SYNE3: variants seen among roughly 807,000 people sequenced by gnomAD.
SYNE3 encodes spectrin repeat containing nuclear envelope family member 3.
In SYNE3, 100 loss-of-function variants were observed where a neutral mutation model predicts 111.2. The observed-to-expected ratio is 0.90, with a 90% CI of 0.77 to 1.06. SYNE3 has a LOEUF of 1.06. Among genes scored for constraint, SYNE3 ranks in the 50% least tolerant of loss-of-function variants. SYNE3 has a pLI of 0.00. For missense variants in SYNE3, 1,160 were observed against 1,240.3 expected (o/e 0.94, Z 0.97); for synonymous variants, 547 against 533.9 (o/e 1.02, Z -0.34).
chr14:95,513,760 T>TATATATATATAC (rs1890808359), intron 1 of SYNE3, among the ~76,000 whole-genome samples: 1 of 142,424 alleles, frequency 7.0e-6, no homozygotes, highest in Non-Finnish European at 1.5e-5. Context: ...TATATATATA[T>TATATATATATAC]ATATATATAT....
At position 95,416,026 on chromosome 14, in the gene SYNE3, A is replaced by G. The variant is rs1595165547; in HGVS notation, c.*1800T>C. ...AATTATAATAACAATAATAATAATAACTCAGAGCCAGGCTTGTGGATGGAA... is the reference window on the plus strand; with the variant it reads ...AATTATAATAACAATAATAATAATAGCTCAGAGCCAGGCTTGTGGATGGAA... On this transcript the variant is annotated 3_prime_UTR_variant, in exon 18 of 18. Transcript: ENST00000682763. 6.6e-6 allele frequency: 1 copy of G among 152,304 alleles called. No individual in the cohort carries two copies. The highest frequency in any genetic ancestry group is 1.9e-4 in the East Asian group (1 of 5,182). The allele number at this position is 152,304 out of a possible 1,614,324, so 9.4% of individuals were successfully genotyped here.
At chr14:95,458,539 CG>C (rs1887601563) in intron 4 of SYNE3, among the ~76,000 whole-genome samples, 1 of 152,146 alleles carries the variant, frequency 6.6e-6, no homozygotes, top group South Asian at 2.1e-4. Flanking sequence ...ACACCTCCAG[CG>C]GGTAACCAAC....
intron 11 of SYNE3, among the ~76,000 whole-genome samples, chr14:95,441,669 A>G (rs1282787405): frequency 1.3e-5 from 2 of 152,190 alleles, no homozygotes; most frequent in Admixed American, 6.5e-5. Flanking sequence ...ACGGGTTTCT[A>G]TGGGCTCCTG....
At chr14:95,471,898 G>T (rs190502911) in intron 2 of SYNE3, among the ~76,000 whole-genome samples, 1 of 152,204 alleles carries the variant, frequency 6.6e-6, no homozygotes, top group African/African-American at 2.4e-5. Context: ...GGAGGAATGG[G>T]GTTAATCAGG....
At chr14:95,460,241 G>A (rs111673108) in intron 4 of SYNE3, among the ~76,000 whole-genome samples, 1 of 151,930 alleles carries the variant, frequency 6.6e-6, no homozygotes, top group Non-Finnish European at 1.5e-5. Context: ...GTCTCACTCT[G>A]TTGCCTAGAC....
chr14:95,479,059 T>C (rs986488789), intron 1 of SYNE3, among the ~76,000 whole-genome samples: 51 of 152,146 alleles, frequency 3.4e-4, no homozygotes, highest in African/African-American at 1.2e-3. Flanking sequence ...TGGGTGTCCA[T>C]ATTCTCATCT....
intron 2 of SYNE3, among the ~76,000 whole-genome samples, chr14:95,472,457 T>C (rs896361807): frequency 6.6e-6 from 1 of 152,204 alleles, no homozygotes; most frequent in African/African-American, 2.4e-5. Context: ...GCTCTGGGGA[T>C]GGGCAGGGAC....
At chr14:95,444,747 G>A (rs192836578) in intron 9 of SYNE3, 119 bp from the exon 10 acceptor site, 80 of 1,280,730 alleles carry the variant, frequency 6.2e-5, no homozygotes, top group Admixed American at 4.4e-4. Flanking sequence ...TCATTCAGGC[G>A]CCACCCCCTC....
intron 1 of SYNE3, among the ~76,000 whole-genome samples, chr14:95,495,902 G>A (rs910856528): frequency 7.9e-5 from 12 of 152,222 alleles, no homozygotes; most frequent in Admixed American, 6.5e-5. Context: ...AGTGAGGCTT[G>A]GGGTTATGGC....
At chr14:95,431,318 C>A (rs1885749679) in intron 17 of SYNE3, among the ~76,000 whole-genome samples, 1 of 152,184 alleles carries the variant, frequency 6.6e-6, no homozygotes, top group South Asian at 2.1e-4. Context: ...GGGGCTGAGG[C>A]CTTCCTTGAA....
chr14:95,442,844 G>C (rs1886482698), intron 11 of SYNE3, among the ~76,000 whole-genome samples: 1 of 152,172 alleles, frequency 6.6e-6, no homozygotes, highest in African/African-American at 2.4e-5. Context: ...ATATGTAATT[G>C]TGCATTGGCT....
intron 1 of SYNE3, among the ~76,000 whole-genome samples, chr14:95,515,189 C>A (rs773056438): frequency 1.1e-4 from 17 of 152,222 alleles, no homozygotes; most frequent in Non-Finnish European, 2.4e-4. Context: ...TCAGCCACCC[C>A]CAGAGGGGCC....
intron 1 of SYNE3, among the ~76,000 whole-genome samples, chr14:95,514,810 T>C (rs977634367): frequency 1.3e-5 from 2 of 152,210 alleles, no homozygotes; most frequent in African/African-American, 2.4e-5. Flanking sequence ...CAGGGTGCTT[T>C]TGACGTTGAG....
chr14:95,420,154 G>A (rs1195346924), intron 17 of SYNE3, among the ~76,000 whole-genome samples: 1 of 148,836 alleles, frequency 6.7e-6, no homozygotes, highest in Admixed American at 6.8e-5. Context: ...CCATGAATAA[G>A]TACTCTTGGC....
intron 4 of SYNE3, among the ~76,000 whole-genome samples, chr14:95,460,367 GTTTTTTT>G (rs548346693): frequency 1.4e-4 from 12 of 85,244 alleles, no homozygotes; most frequent in Admixed American, 8.5e-4. Flanking sequence ...ACGATGCCTA[GTTTTTTT>G]TTTTTTTTTT....
At chr14:95,425,329 G>A (rs1172460926) in intron 17 of SYNE3, among the ~76,000 whole-genome samples, 3 of 152,150 alleles carry the variant, frequency 2.0e-5, no homozygotes, top group Admixed American at 6.6e-5. Context: ...ATGTTGACAG[G>A]TAAAAGAAGT....
Position 95,411,342 on chromosome 14 carries a change from G to T in SYNE3, c.*6484C>A, listed in dbSNP as rs1041895745. ...AATTCAAAAAAAAAAAAAGAAAAAA[G>T]AAAAGGAGACCAGAATTGAGAGCTT... On this transcript the variant is annotated 3_prime_UTR_variant, in exon 18 of 18. Coordinates refer to ENST00000682763, the MANE Select transcript of SYNE3 (RefSeq NM_152592.6). 7 of 149,928 alleles carry T rather than the reference G, an allele frequency of 4.7e-5. No homozygotes were observed. Among genetic ancestry groups the T allele is most frequent in the Non-Finnish European group, 1.0e-4 (7 of 67,536 alleles). 9.3% of individuals were successfully genotyped at this position (149,928 alleles called of 1,614,324 possible). A position where few individuals can be genotyped will look rare whatever the true frequency, so the allele number is the denominator to read the frequency against.
At chr14:95,482,418 C>T (rs1185982207) in intron 1 of SYNE3, among the ~76,000 whole-genome samples, 3 of 152,070 alleles carry the variant, frequency 2.0e-5, no homozygotes, top group Non-Finnish European at 2.9e-5. Flanking sequence ...TGGGTGACAG[C>T]GAGACACCAT....
At chr14:95,452,418 G>A in intron 6 of SYNE3, 35 bp from the exon 7 acceptor site, 2 of 1,577,352 alleles carry the variant, frequency 1.3e-6, no homozygotes, top group Non-Finnish European at 1.7e-6. Flanking sequence ...CGGGAGGTGA[G>A]GCTCCTCAAC....
Sources: allele counts gnomAD v4.1 joint callset (sites outside exome capture counted in the v4.1 genomes callset), GRCh38; gene constraint gnomAD v4.1.1; transcripts MANE v1.5; gene names NCBI Gene and HGNC (gene_info 2026-07-23, HGNC 2026-07-21).